VWA8: variants seen among roughly 807,000 people sequenced by gnomAD.
VWA8 encodes von Willebrand factor A domain containing 8, also known as von Willebrand factor A domain-containing protein 8.
A neutral mutation model predicts 241.5 loss-of-function variants in VWA8; 221 were observed. The ratio of observed to expected loss-of-function variants is 0.91; its 90% confidence interval spans 0.82 to 1.02. VWA8 has a LOEUF of 1.02. Ranked by LOEUF, VWA8 falls within the 50% of genes least tolerant of loss-of-function variation. The pLI is 0.00. For synonymous variants in VWA8, 852 were observed against 827.1 expected, an observed-to-expected ratio of 1.03 and a Z score of -0.52; for missense variants, 2,322 against 2,328.7, an observed-to-expected ratio of 1.00 and a Z score of 0.06.
At chr13:41,903,713 G>A (rs778376508) in intron 4 of VWA8, among the ~76,000 whole-genome samples, 20 of 152,126 alleles carry the variant, frequency 1.3e-4, no homozygotes, top group Admixed American at 2.0e-4. Flanking sequence ...ACAAACATTC[G>A]ATCCTATAGA....
chr13:41,896,422 G>T (rs1376090309), intron 4 of VWA8, among the ~76,000 whole-genome samples: 1 of 151,730 alleles, frequency 6.6e-6, no homozygotes, highest in Non-Finnish European at 1.5e-5. Context: ...ATCTTGAATT[G>T]GGAAAAATCC....
At chr13:41,822,198 A>C (rs1010570612) in intron 14 of VWA8, among the ~76,000 whole-genome samples, 8 of 152,174 alleles carry the variant, frequency 5.3e-5, no homozygotes, top group Non-Finnish European at 1.0e-4. Context: ...AATAAAACAA[A>C]AAAAGACTTC....
chr13:41,898,819 C>T (rs1368630357), intron 4 of VWA8, among the ~76,000 whole-genome samples: 2 of 152,172 alleles, frequency 1.3e-5, no homozygotes, highest in African/African-American at 4.8e-5. Context: ...CGCCGCTGGC[C>T]CGGGTGCTAA....
At chr13:41,910,086 T>C (rs1485813819) in intron 3 of VWA8, among the ~76,000 whole-genome samples, 2 of 152,134 alleles carry the variant, frequency 1.3e-5, no homozygotes, top group African/African-American at 4.8e-5. Flanking sequence ...ATTCCACAAT[T>C]TAAAGTTGGG....
At chr13:41,813,137 AG>A (rs1870543165) in intron 16 of VWA8, among the ~76,000 whole-genome samples, 1 of 152,166 alleles carries the variant, frequency 6.6e-6, no homozygotes, top group Non-Finnish European at 1.5e-5. Context: ...TTATTCTTAA[AG>A]GCACTAGGAT....
intron 37 of VWA8, among the ~76,000 whole-genome samples, chr13:41,647,968 G>A (rs1001198658): frequency 1.1e-4 from 16 of 152,086 alleles, no homozygotes; most frequent in Admixed American, 3.3e-4. Context: ...TAGCCTGGGC[G>A]AAGGAGCGAG....
chr13:41,769,155 C>T (rs916533984), intron 20 of VWA8, among the ~76,000 whole-genome samples: 6 of 152,234 alleles, frequency 3.9e-5, no homozygotes, highest in Admixed American at 1.3e-4. Context: ...CATCCGCCTA[C>T]CTCGGACTCC....
chr13:41,641,511 T>C (rs1479381774), intron 37 of VWA8, among the ~76,000 whole-genome samples: 1 of 151,656 alleles, frequency 6.6e-6, no homozygotes, highest in African/African-American at 2.4e-5. Context: ...TCATACATAG[T>C]ATGTCTGGAG....
At chr13:41,699,389 T>C (rs2045235700) in intron 28 of VWA8, 119 bp from the exon 29 acceptor site, 2 of 934,916 alleles carry the variant, frequency 2.1e-6, no homozygotes, top group Admixed American at 4.2e-5. Context: ...ACTCAGCAGA[T>C]GATTTGTATC....
intron 43 of VWA8, among the ~76,000 whole-genome samples, chr13:41,573,527 G>GTA (rs71086586): frequency 0.16 from 20,974 of 133,834 alleles, 1,774 homozygotes; most frequent in South Asian, 0.24. Context: ...ATATATACGT[G>GTA]TATATATATA....
At chr13:41,960,589 G>A (rs1015475111) in intron 1 of VWA8, among the ~76,000 whole-genome samples, 5 of 152,224 alleles carry the variant, frequency 3.3e-5, no homozygotes, top group Admixed American at 2.6e-4. Context: ...AGGGGAAGGA[G>A]AAATCACTCT....
chr13:41,616,577 C>T (rs1226347220), intron 37 of VWA8, among the ~76,000 whole-genome samples: 1 of 151,892 alleles, frequency 6.6e-6, no homozygotes. Context: ...AAGAGATAAG[C>T]AGTAAATTAA....
intron 10 of VWA8, among the ~76,000 whole-genome samples, chr13:41,867,688 T>C (rs1207528056): frequency 6.6e-6 from 1 of 152,158 alleles, no homozygotes; most frequent in Non-Finnish European, 1.5e-5. Flanking sequence ...GTAACATGAA[T>C]TAATATTAAT....
intron 12 of VWA8, among the ~76,000 whole-genome samples, chr13:41,835,513 T>G (rs1185038428): frequency 6.6e-6 from 1 of 152,152 alleles, no homozygotes; most frequent in Non-Finnish European, 1.5e-5. Context: ...AAGACTAAAT[T>G]GATCACCATC....
intron 35 of VWA8, 21 bp from the exon 36 acceptor site, chr13:41,675,317 G>C: frequency 1.9e-6 from 3 of 1,571,800 alleles, no homozygotes; most frequent in Non-Finnish European, 2.6e-6. Flanking sequence ...GTCATGACAT[G>C]AGCCAAGTAT....
At chr13:41,736,471 C>A (rs1438763861) in intron 21 of VWA8, among the ~76,000 whole-genome samples, 1 of 152,102 alleles carries the variant, frequency 6.6e-6, no homozygotes, top group African/African-American at 2.4e-5. Flanking sequence ...AGAGAGCAAG[C>A]ACAATCTGTT....
intron 14 of VWA8, among the ~76,000 whole-genome samples, chr13:41,829,530 TACACACAC>T (rs71096546): frequency 0.014 from 2,021 of 139,818 alleles, 43 homozygotes; most frequent in African/African-American, 0.039. Context: ...GGAAATGTGA[TACACACAC>T]ACACACACAC....
chr13:41,569,777 A>C (rs1353197151), intron 44 of VWA8, among the ~76,000 whole-genome samples: 2 of 152,244 alleles, frequency 1.3e-5, no homozygotes, highest in East Asian at 1.9e-4. Context: ...TCAAGTTATG[A>C]AAGTGTTTCC....
rs758465210 is a variant in VWA8 at position 41,719,788 on chromosome 13, C to T, written c.2965-46G>A. ...CTTATTATGCATGTGATAAAATATA[C>T]AACATTATAAAGATTTATGAAATGG... On this transcript the variant is annotated intron_variant, in intron 25 of 44. Coordinates refer to ENST00000379310, the MANE Select transcript of VWA8 (RefSeq NM_015058.2). 2.4e-5 allele frequency: 37 copies of T among 1,526,828 alleles called. No individual in the cohort carries two copies. The Middle Eastern group carries it at 3.5e-3, about 143-fold the overall frequency. 94.6% of individuals were successfully genotyped at this position (1,526,828 alleles called of 1,614,324 possible).
Sources: gnomAD v4.1 joint callset for allele counts (sites outside exome capture counted in the v4.1 genomes callset) on GRCh38, gnomAD v4.1.1 for gene constraint, MANE v1.5 for transcripts, NCBI Gene and HGNC (gene_info 2026-07-23, HGNC 2026-07-21) for gene names.